Variants in EBF1 observed in about 807,000 individuals in gnomAD.
EBF1 encodes the protein EBF transcription factor 1, also known as transcription factor COE1.
A neutral mutation model predicts 68.4 loss-of-function variants in EBF1; 10 were observed. The observed-to-expected ratio is 0.15, with a 90% CI of 0.09 to 0.25. The LOEUF (loss-of-function observed/expected upper bound fraction) is 0.25. Ranked by LOEUF, EBF1 falls within the 10% of genes least tolerant of loss-of-function variation. EBF1 has a pLI of 1.00. For missense variants in EBF1, 509 were observed against 794.4 expected, an observed-to-expected ratio of 0.64 and a Z score of 4.32; for synonymous variants, 298 against 299.8, an observed-to-expected ratio of 0.99 and a Z score of 0.06.
chr5:158,729,344 T>A (rs574295672), intron 11 of EBF1, among the ~76,000 whole-genome samples: 1 of 152,242 alleles, frequency 6.6e-6, no homozygotes, highest in East Asian at 1.9e-4. Context: ...GTAAAGCAAG[T>A]GCTAAATATA....
intron 6 of EBF1, among the ~76,000 whole-genome samples, chr5:158,928,639 C>T (rs1309627623): frequency 1.3e-5 from 2 of 152,200 alleles, no homozygotes; most frequent in African/African-American, 4.8e-5. Flanking sequence ...GTGTGATTTA[C>T]TGTCTTTCAA....
chr5:158,723,736 C>T (rs1057383155), intron 11 of EBF1, among the ~76,000 whole-genome samples: 3 of 152,028 alleles, frequency 2.0e-5, no homozygotes, highest in African/African-American at 7.2e-5. Flanking sequence ...GTTTCCTCAT[C>T]TCTAAATTGG....
chr5:158,732,379 C>A (rs1276931363), intron 10 of EBF1, among the ~76,000 whole-genome samples: 2 of 152,070 alleles, frequency 1.3e-5, no homozygotes, highest in Non-Finnish European at 2.9e-5. Context: ...GTATACCAAC[C>A]CAAACTGACT....
chr5:158,881,151 A>G (rs1030361816), intron 6 of EBF1, among the ~76,000 whole-genome samples: 5 of 152,226 alleles, frequency 3.3e-5, no homozygotes, highest in African/African-American at 1.2e-4. Context: ...CTTCGTATTC[A>G]AAACGGTAAT....
At chr5:158,784,978 G>A (rs1777132697) in intron 9 of EBF1, among the ~76,000 whole-genome samples, 1 of 152,098 alleles carries the variant, frequency 6.6e-6, no homozygotes, top group African/African-American at 2.4e-5. Context: ...CATGCTTTAT[G>A]TTTGGGTAGA....
chr5:158,840,157 G>A (rs938402882), intron 6 of EBF1, 47 bp from the exon 7 acceptor site: 8 of 1,486,044 alleles, frequency 5.4e-6, no homozygotes, highest in South Asian at 2.3e-5. Context: ...TTTCTGACAC[G>A]GGAGGGAAAA....
chr5:159,075,048 GA>G (rs1186828816), intron 5 of EBF1, among the ~76,000 whole-genome samples: 1 of 152,178 alleles, frequency 6.6e-6, no homozygotes, highest in Non-Finnish European at 1.5e-5. Context: ...GGGCTTCTCA[GA>G]ATAGTATAGT....
chr5:159,094,301 A>G (rs978165306), intron 4 of EBF1, among the ~76,000 whole-genome samples: 1 of 151,872 alleles, frequency 6.6e-6, no homozygotes, highest in Non-Finnish European at 1.5e-5. Context: ...TGAGCAATCA[A>G]CTGAGAAATA....
At chr5:159,027,227 G>C (rs1250565477) in intron 6 of EBF1, among the ~76,000 whole-genome samples, 3 of 152,174 alleles carry the variant, frequency 2.0e-5, no homozygotes, top group Non-Finnish European at 4.4e-5. Context: ...CATTGTGCTA[G>C]TTCACACTGA....
At chr5:158,761,416 T>C (rs1012325510) in intron 10 of EBF1, among the ~76,000 whole-genome samples, 2 of 152,222 alleles carry the variant, frequency 1.3e-5, no homozygotes, top group African/African-American at 2.4e-5. Context: ...AGTTCCGGGA[T>C]GACTTGAGTT....
chr5:159,009,982 C>A (rs998405796), intron 6 of EBF1, among the ~76,000 whole-genome samples: 1 of 152,252 alleles, frequency 6.6e-6, no homozygotes, highest in Middle Eastern at 3.4e-3. Context: ...AAAATTCAGG[C>A]AATCCTCAAA....
chr5:158,754,158 A>G (rs532531875), intron 10 of EBF1, among the ~76,000 whole-genome samples: 4 of 152,232 alleles, frequency 2.6e-5, no homozygotes, highest in Admixed American at 6.5e-5. Flanking sequence ...TACATATTTT[A>G]CATATTACTG....
intron 4 of EBF1, among the ~76,000 whole-genome samples, chr5:159,084,949 C>T (rs1452220805): frequency 6.6e-6 from 1 of 152,106 alleles, no homozygotes; most frequent in Non-Finnish European, 1.5e-5. Context: ...AACCACCTTG[C>T]CATGATGCAC....
At chr5:159,016,656 TG>T (rs1161435275) in intron 6 of EBF1, among the ~76,000 whole-genome samples, 6 of 152,214 alleles carry the variant, frequency 3.9e-5, no homozygotes, top group African/African-American at 1.4e-4. Context: ...ATGACTGCAA[TG>T]CCAGGTGTCA....
chr5:158,778,029 C>T (rs1394365453), intron 9 of EBF1, among the ~76,000 whole-genome samples: 2 of 152,218 alleles, frequency 1.3e-5, no homozygotes, highest in African/African-American at 2.4e-5. Flanking sequence ...TATTAACTAC[C>T]AGAGGCACAA....
intron 8 of EBF1, among the ~76,000 whole-genome samples, chr5:158,822,255 TGGACG>T: frequency 8.8e-6 from 1 of 114,026 alleles, no homozygotes; most frequent in Non-Finnish European, 1.9e-5. Flanking sequence ...CATTCTTGGA[TGGACG>T]GATGGACGGA....
At chr5:158,908,608 T>C (rs1298822259) in intron 6 of EBF1, among the ~76,000 whole-genome samples, 2 of 152,262 alleles carry the variant, frequency 1.3e-5, no homozygotes, top group African/African-American at 4.8e-5. Context: ...AAGTGTGTAT[T>C]GTTACTTCCA....
intron 6 of EBF1, among the ~76,000 whole-genome samples, chr5:159,059,700 T>C (rs1404840211): frequency 6.6e-6 from 1 of 152,176 alleles, no homozygotes; most frequent in African/African-American, 2.4e-5. Context: ...GATGTTTGCT[T>C]TAAAGAGGAA....
chr5:158,866,833 G>GTATATATA (rs70987938), intron 6 of EBF1, among the ~76,000 whole-genome samples: 1 of 92,856 alleles, frequency 1.1e-5, no homozygotes, highest in Non-Finnish European at 2.1e-5. Flanking sequence ...ATATGTATAT[G>GTATATATA]TATATATATA....
Sources: gnomAD v4.1 joint callset for allele counts (sites outside exome capture counted in the v4.1 genomes callset) on GRCh38, gnomAD v4.1.1 for gene constraint, MANE v1.5 for transcripts, NCBI Gene and HGNC (gene_info 2026-07-23, HGNC 2026-07-21) for gene names.